Variants in BMPR2 observed in about 807,000 individuals in gnomAD.
BMPR2 encodes the protein bone morphogenetic protein receptor type 2, also known as bone morphogenetic protein receptor type-2.
A neutral mutation model predicts 100.8 loss-of-function variants in BMPR2; 29 were observed. The ratio of observed to expected loss-of-function variants is 0.29; its 90% CI spans 0.21 to 0.39. The LOEUF is 0.39. Among genes scored for constraint, BMPR2 ranks in the 10% least tolerant of loss-of-function variants. BMPR2 has a pLI of 1.00. For synonymous variants in BMPR2, 382 were observed against 442.3 expected, an observed-to-expected ratio of 0.86 and a Z score of 1.71; for missense variants, 1,011 against 1,274.5, an observed-to-expected ratio of 0.79 and a Z score of 3.15.
chr2:202,562,832 T>C lies in BMPR2; in HGVS notation c.*2886T>C, dbSNP rs956030176. The C allele has an allele frequency of 1.4e-5, 2 of 147,690 alleles. No homozygotes were observed. Among genetic ancestry groups the C allele is most frequent in the African/African-American group, 5.0e-5 (2 of 40,100 alleles). The allele number at this position is 147,690 out of a possible 1,614,324, so 9.1% of individuals were successfully genotyped here. A position where few individuals can be genotyped will look rare whatever the true frequency, so the allele number is the denominator to read the frequency against. ...TTCTTAAAACTTTCTAAATGCATAA[T>C]TGGCAAAAAAAAAAACCCACTGTTA... On this transcript the variant is annotated 3_prime_UTR_variant, in exon 13 of 13. Transcript: ENST00000374580.
At chr2:202,501,317 A>G (rs1344341998) in intron 3 of BMPR2, among the ~76,000 whole-genome samples, 3 of 152,236 alleles carry the variant, frequency 2.0e-5, no homozygotes, top group Admixed American at 6.5e-5. Context: ...CCCTGGATAC[A>G]GCGAGATAGC....
intron 3 of BMPR2, among the ~76,000 whole-genome samples, chr2:202,501,930 A>G (rs1687404021): frequency 6.6e-6 from 1 of 152,174 alleles, no homozygotes; most frequent in Admixed American, 6.5e-5. Context: ...ACTAATCCTG[A>G]CCTTAACCTA....
intron 3 of BMPR2, among the ~76,000 whole-genome samples, chr2:202,480,475 T>C (rs1692637213): frequency 6.6e-6 from 1 of 152,144 alleles, no homozygotes; most frequent in African/African-American, 2.4e-5. Flanking sequence ...CTGTTGTGTT[T>C]TTTTCTTGGG....
chr2:202,405,481 G>T (rs1690870138), intron 1 of BMPR2, among the ~76,000 whole-genome samples: 1 of 152,022 alleles, frequency 6.6e-6, no homozygotes, highest in African/African-American at 2.4e-5. Context: ...GAGGTCAGGA[G>T]ATCGAGACCA....
intron 2 of BMPR2, among the ~76,000 whole-genome samples, chr2:202,465,362 T>C (rs1322807904): frequency 6.6e-6 from 1 of 152,032 alleles, no homozygotes; most frequent in Non-Finnish European, 1.5e-5. Flanking sequence ...CACTCCAGTC[T>C]GGGCAACAGA....
chr2:202,461,182 A>C (rs1692217291), intron 1 of BMPR2, among the ~76,000 whole-genome samples: 5 of 152,138 alleles, frequency 3.3e-5, no homozygotes. Context: ...GATTATCAAA[A>C]ACACATATAA....
intron 1 of BMPR2, among the ~76,000 whole-genome samples, chr2:202,421,310 GAAAAAAAA>G (rs35984037): frequency 4.2e-5 from 4 of 94,872 alleles, no homozygotes; most frequent in African/African-American, 1.5e-4. Flanking sequence ...TCTCCAAAAG[GAAAAAAAA>G]AAAAAAAAAA....
chr2:202,516,113 T>C (rs1687705733), intron 5 of BMPR2, among the ~76,000 whole-genome samples: 1 of 152,186 alleles, frequency 6.6e-6, no homozygotes, highest in Non-Finnish European at 1.5e-5. Flanking sequence ...TCTCAGAAGC[T>C]ACATTAAAAG....
chr2:202,443,407 C>T (rs1350885412), intron 1 of BMPR2, among the ~76,000 whole-genome samples: 1 of 150,582 alleles, frequency 6.6e-6, no homozygotes, highest in Non-Finnish European at 1.5e-5. Context: ...ATAGCGGCTG[C>T]ACCATTTTTC....
At chr2:202,399,210 C>CTA (rs1195805531) in intron 1 of BMPR2, among the ~76,000 whole-genome samples, 1 of 151,958 alleles carries the variant, frequency 6.6e-6, no homozygotes, top group Non-Finnish European at 1.5e-5. Flanking sequence ...TGCCACAGGG[C>CTA]TATATTAGAG....
chr2:202,487,256 T>C (rs556308077), intron 3 of BMPR2, among the ~76,000 whole-genome samples: 2 of 152,274 alleles, frequency 1.3e-5, no homozygotes, highest in South Asian at 4.1e-4. Context: ...ACTTAGTCTG[T>C]TTTATAATAG....
At position 202,418,024 on chromosome 2, in the gene BMPR2, G is replaced by GT. The variant is rs111303191; in HGVS notation, c.76+40483dup. Among the ~76,000 whole-genome samples the GT allele has an allele frequency of 5.6e-4, 85 of 151,224 alleles. 1 individual carries two copies. Among genetic ancestry groups the GT allele is most frequent in the Admixed American group, 9.2e-4 (14 of 15,162 alleles). ...TGAGCCACCGTGCCTGGCCCGTCAT[G>GT]TTTTTTTTTAGACCTAATGCCATTG... On this transcript the variant is annotated intron_variant, in intron 1 of 12. Transcript: ENST00000374580.
At chr2:202,556,574 G>C in intron 12 of BMPR2, 43 bp downstream of exon 12, 1 of 1,594,128 alleles carries the variant, frequency 6.3e-7, no homozygotes, top group Non-Finnish European at 8.5e-7. Flanking sequence ...TGTCTTTTGG[G>C]GCCATTTAAA....
chr2:202,437,158 A>G (rs1380011011), intron 1 of BMPR2, among the ~76,000 whole-genome samples: 3 of 150,202 alleles, frequency 2.0e-5, no homozygotes. Flanking sequence ...GGCGGGCGCC[A>G]CCACGCCCAG....
chr2:202,559,819 A>G lies in BMPR2; in HGVS notation c.2990A>G (p.Asp997Gly), dbSNP rs1375386641. The G allele has an allele frequency of 1.9e-6, 3 of 1,614,024 alleles. No homozygotes were observed. Among genetic ancestry groups the G allele is most frequent in the Non-Finnish European group, 2.5e-6 (3 of 1,180,030 alleles). ...TGGGTCATCTCCACTGAATCGCTGG[A>G]CTGTGAAGTCAACAATAATGGCAGT... ...STWVISTESL[D>G]CEVNNNGSNR... Residue 997 changes from aspartate (D) to glycine (G), a missense_variant, in exon 13 of 13, where the codon GAC becomes GGC. This residue lies in a region of BMPR2 where 58 missense variants were observed against 72.3 expected (regional missense o/e 0.80). Coordinates refer to ENST00000374580, the MANE Select transcript of BMPR2 (RefSeq NM_001204.7).
chr2:202,469,305 G>GGT (rs1259362896), intron 3 of BMPR2, among the ~76,000 whole-genome samples: 3 of 151,910 alleles, frequency 2.0e-5, no homozygotes, highest in Non-Finnish European at 1.5e-5. Context: ...TGGGATTACA[G>GGT]GTGTGAGCCA....
At chr2:202,543,004 C>G (rs1162439827) in intron 10 of BMPR2, among the ~76,000 whole-genome samples, 1 of 151,542 alleles carries the variant, frequency 6.6e-6, no homozygotes, top group Non-Finnish European at 1.5e-5. Context: ...TGGTGAAACC[C>G]CACCTCTACT....
intron 3 of BMPR2, among the ~76,000 whole-genome samples, chr2:202,512,479 G>A (rs1247174849): frequency 6.6e-6 from 1 of 152,116 alleles, no homozygotes; most frequent in Non-Finnish European, 1.5e-5. Flanking sequence ...ACACTGATTG[G>A]AACTGGTTAT....
chr2:202,547,749 A>G (rs974175085), intron 10 of BMPR2, among the ~76,000 whole-genome samples: 3 of 132,342 alleles, frequency 2.3e-5, no homozygotes, highest in African/African-American at 8.8e-5. Context: ...TGCCACTGCA[A>G]TCCAGCCTGG....
Sources: gnomAD v4.1 joint callset for allele counts (sites outside exome capture counted in the v4.1 genomes callset) on GRCh38, gnomAD v4.1.1 for gene constraint, gnomAD v4.1.1 regional missense constraint, MANE v1.5 for transcripts, NCBI Gene and HGNC (gene_info 2026-07-23, HGNC 2026-07-21) for gene names.